Variants in OPCML observed in about 807,000 individuals in gnomAD.
OPCML encodes opioid-binding protein/cell adhesion molecule.
OPCML carries 13 observed loss-of-function variants against 37.8 expected under a neutral mutation model. That is an observed-to-expected ratio of 0.34 (90% CI 0.22 to 0.55). The LOEUF (loss-of-function observed/expected upper bound fraction) is 0.55, where lower values mean the gene tolerates loss of function less well. Among genes scored for constraint, OPCML ranks in the 20% least tolerant of loss-of-function variants. The pLI, the probability that OPCML is intolerant of heterozygous loss-of-function variation, is 0.91. For missense variants in OPCML, 341 were observed against 435.6 expected, an observed-to-expected ratio of 0.78 and a Z score of 1.93; for synonymous variants, 176 against 168.8, an observed-to-expected ratio of 1.04 and a Z score of -0.33.
At chr11:132,862,591 C>T (rs960815182) in intron 2 of OPCML, among the ~76,000 whole-genome samples, 1 of 152,072 alleles carries the variant, frequency 6.6e-6, no homozygotes, top group Non-Finnish European at 1.5e-5. Context: ...GCTCAGGGTG[C>T]TTTCCATTGC....
At chr11:133,210,373 C>T (rs930923968) in intron 1 of OPCML, among the ~76,000 whole-genome samples, 4 of 152,030 alleles carry the variant, frequency 2.6e-5, no homozygotes. Context: ...CTGCACTATC[C>T]CCTCTTTCTC....
intron 3 of OPCML, among the ~76,000 whole-genome samples, chr11:132,606,665 G>A (rs1312743098): frequency 8.5e-6 from 1 of 117,156 alleles, no homozygotes; most frequent in Non-Finnish European, 1.9e-5. Flanking sequence ...CCACTTCTGG[G>A]CCAATGGGAC....
At chr11:132,665,582 A>G (rs575169385) in intron 2 of OPCML, among the ~76,000 whole-genome samples, 7 of 152,314 alleles carry the variant, frequency 4.6e-5, no homozygotes, top group Middle Eastern at 3.4e-3. Flanking sequence ...AGGAGAGAGG[A>G]GGAGAATTCC....
intron 2 of OPCML, among the ~76,000 whole-genome samples, chr11:132,835,248 C>A (rs938720268): frequency 3.9e-5 from 6 of 152,230 alleles, no homozygotes; most frequent in Admixed American, 6.5e-5. Flanking sequence ...GGCACATCCA[C>A]TCAGGAGAGC....
At chr11:133,482,530 G>A (rs139801520) in intron 1 of OPCML, among the ~76,000 whole-genome samples, 41 of 152,172 alleles carry the variant, frequency 2.7e-4, no homozygotes, top group East Asian at 1.5e-3. Context: ...GAGGGTGGCC[G>A]GGGCATGGCA....
At chr11:132,683,473 C>G (rs1943038343) in intron 2 of OPCML, among the ~76,000 whole-genome samples, 1 of 152,170 alleles carries the variant, frequency 6.6e-6, no homozygotes, top group Non-Finnish European at 1.5e-5. Flanking sequence ...GATTTAGAGT[C>G]ACAAAACCTA....
intron 1 of OPCML, among the ~76,000 whole-genome samples, chr11:132,967,408 C>T (rs1946239454): frequency 6.6e-6 from 1 of 151,972 alleles, no homozygotes; most frequent in African/African-American, 2.4e-5. Flanking sequence ...TTTACAGAAG[C>T]TGAGAAAAGA....
chr11:133,310,649 A>G (rs1943047423), intron 1 of OPCML, among the ~76,000 whole-genome samples: 1 of 152,064 alleles, frequency 6.6e-6, no homozygotes, highest in South Asian at 2.1e-4. Context: ...CCCCTTTTAT[A>G]ATTATTGCTA....
At chr11:133,420,885 C>G in intron 1 of OPCML, 1 of 985,350 alleles carries the variant, frequency 1.0e-6, no homozygotes, top group Non-Finnish European at 1.2e-6. Context: ...ATATGAGCGT[C>G]TCATGAGCCT....
chr11:132,516,502 A>T (rs1203911879), intron 4 of OPCML, among the ~76,000 whole-genome samples: 1 of 152,140 alleles, frequency 6.6e-6, no homozygotes, highest in Non-Finnish European at 1.5e-5. Context: ...ATCGCCTGCA[A>T]AATGTAAGTC....
rs1332486449 is a variant in OPCML at position 133,208,166 on chromosome 11, G to A, written c.62-265156C>T. Among the ~76,000 whole-genome samples, 1 of 152,124 alleles carries A rather than the reference G, an allele frequency of 6.6e-6. No homozygotes were observed. Among genetic ancestry groups the A allele is most frequent in the African/African-American group, 2.4e-5 (1 of 41,424 alleles). ...TCTTCCTTACTGTATTATACATTATGCTGGGGAAGGCAGACTGTCTATCTT... is the reference window on the plus strand; with the variant it reads ...TCTTCCTTACTGTATTATACATTATACTGGGGAAGGCAGACTGTCTATCTT... On this transcript the variant is annotated intron_variant, in intron 1 of 7. Coordinates refer to ENST00000524381, the MANE Select transcript of OPCML (RefSeq NM_001012393.5). The surrounding 1 kb of genome is among the most constrained non-coding windows in gnomAD (Gnocchi z 8.9).
chr11:133,449,567 G>GTTTACTTACCCAAAACTTTTTA (rs1946538099), intron 1 of OPCML, among the ~76,000 whole-genome samples: 1 of 148,162 alleles, frequency 6.7e-6, no homozygotes, highest in African/African-American at 2.7e-5. Context: ...GGTTCCAAAG[G>GTTTACTTACCCAAAACTTTTTA]CTCCAGAGAA....
intron 1 of OPCML, among the ~76,000 whole-genome samples, chr11:133,213,768 TAATGTTTA>T: frequency 6.6e-6 from 1 of 152,330 alleles, no homozygotes; most frequent in South Asian, 2.1e-4. Context: ...TAGACATGTT[TAATGTTTA>T]AATGCCAAGT....
rs1223023177 is a variant in OPCML, at chr11:132,861,495, G to A, written c.146+81431C>T. Among the ~76,000 whole-genome samples the A allele has an allele frequency of 2.6e-5, 4 of 152,326 alleles. No homozygotes were observed. The South Asian group carries it at 6.2e-4, about 24-fold the overall frequency. On this transcript the variant is annotated intron_variant, in intron 2 of 7. Transcript: ENST00000524381. ...CTTGCATCCAAATAGATGTTTGCCTGTATGTGTCTCACTTTGTCTGGCACA... is the reference window on the plus strand; with the variant it reads ...CTTGCATCCAAATAGATGTTTGCCTATATGTGTCTCACTTTGTCTGGCACA...
chr11:133,431,903 A>G (rs1450957588), intron 1 of OPCML, among the ~76,000 whole-genome samples: 2 of 151,656 alleles, frequency 1.3e-5, no homozygotes, highest in African/African-American at 4.8e-5. Context: ...CATTTGACAT[A>G]TACAGGTAAA....
At chr11:133,436,414 G>C (rs12789022) in intron 1 of OPCML, among the ~76,000 whole-genome samples, 21,719 of 152,060 alleles carry the variant, frequency 0.14, 1,766 homozygotes, top group African/African-American at 0.21. Context: ...CTTTTATATT[G>C]ATAGAATTCC....
intron 3 of OPCML, among the ~76,000 whole-genome samples, chr11:132,542,854 C>T (rs1437715113): frequency 6.6e-6 from 1 of 152,194 alleles, no homozygotes; most frequent in African/African-American, 2.4e-5. Context: ...CTCTTCCCTT[C>T]TCCCACCAGC....
At chr11:132,583,033 A>G (rs2096465470) in intron 3 of OPCML, among the ~76,000 whole-genome samples, 1 of 151,454 alleles carries the variant, frequency 6.6e-6, no homozygotes, top group Non-Finnish European at 1.5e-5. Flanking sequence ...ATGTCTCTAC[A>G]CTTTTGGGGT....
chr11:133,224,096 C>T (rs1939942296), intron 1 of OPCML, among the ~76,000 whole-genome samples: 1 of 152,174 alleles, frequency 6.6e-6, no homozygotes, highest in Non-Finnish European at 1.5e-5. Context: ...TTAAAATGAA[C>T]AGGAGAAGGT....
Sources: gnomAD v4.1 joint callset for allele counts (sites outside exome capture counted in the v4.1 genomes callset) on GRCh38, gnomAD v4.1.1 for gene constraint, Gnocchi (gnomAD v3.1) non-coding constraint, MANE v1.5 for transcripts, NCBI Gene and HGNC (gene_info 2026-07-23, HGNC 2026-07-21) for gene names.